STAC: variants seen among roughly 807,000 people sequenced by gnomAD.
The protein encoded by STAC is SH3 and cysteine rich domain, also known as SH3 and cysteine-rich domain-containing protein.
A neutral mutation model predicts 48.8 loss-of-function variants in STAC; 43 were observed. The observed-to-expected ratio is 0.88, with a 90% CI of 0.69 to 1.14. The LOEUF (loss-of-function observed/expected upper bound fraction) is 1.14. STAC is among the 50% of genes most tolerant of loss of function. The pLI is 0.00. For missense variants in STAC, 497 were observed against 504.0 expected, an observed-to-expected ratio of 0.99 and a Z score of 0.13; for synonymous variants, 193 against 179.5, an observed-to-expected ratio of 1.07 and a Z score of -0.60.
intron 8 of STAC, among the ~76,000 whole-genome samples, chr3:36,521,495 C>T (rs1698804210): frequency 6.6e-6 from 1 of 152,124 alleles, no homozygotes; most frequent in African/African-American, 2.4e-5. Flanking sequence ...AATACTAGGT[C>T]CAGCTCCTGG....
chr3:36,545,156 A>G (rs2125507469), intron 10 of STAC, among the ~76,000 whole-genome samples: 1 of 152,314 alleles, frequency 6.6e-6, no homozygotes, highest in South Asian at 2.1e-4. Context: ...CTTATGAGAC[A>G]GCAGGACCCT....
chr3:36,432,075 A>G (rs1258978658), intron 1 of STAC, among the ~76,000 whole-genome samples: 1 of 152,208 alleles, frequency 6.6e-6, no homozygotes, highest in African/African-American at 2.4e-5. Context: ...CGGCATCCAC[A>G]TGCCTCACCA....
Position 36,483,111 on chromosome 3 carries a change from A to G in STAC, c.489+19A>G. On this transcript the variant is annotated intron_variant, in intron 3 of 10. Transcript: ENST00000273183. ...CAAGCTGGTAAGGGCTTGTGCCAGGAGTGAGGCCCACACCTCTCTGCTAGG... is the reference window on the plus strand; with the variant it reads ...CAAGCTGGTAAGGGCTTGTGCCAGGGGTGAGGCCCACACCTCTCTGCTAGG... The G allele has an allele frequency of 6.4e-7, 1 of 1,573,954 alleles. No homozygotes were observed. The highest frequency in any genetic ancestry group is 8.7e-7 in the Non-Finnish European group (1 of 1,143,674).
chr3:36,395,922 C>T (rs557582806), intron 1 of STAC, among the ~76,000 whole-genome samples: 1 of 129,772 alleles, frequency 7.7e-6, no homozygotes, highest in South Asian at 2.5e-4. Flanking sequence ...AAGCATCTCT[C>T]CACAAAGTTT....
At chr3:36,482,948 A>T (rs144453836) in intron 2 of STAC, 44 bp from the exon 3 acceptor site, 131 of 1,383,046 alleles carry the variant, frequency 9.5e-5, no homozygotes, top group Non-Finnish European at 1.3e-4. Flanking sequence ...TCAGCAGGAA[A>T]TGGCAGGTTG....
chr3:36,505,913 G>T, intron 8 of STAC, 79 bp downstream of exon 8: 1 of 924,100 alleles, frequency 1.1e-6, no homozygotes, highest in Non-Finnish European at 1.7e-6. Flanking sequence ...AAGTCCATCT[G>T]TGCCCCTCCT....
At position 36,509,515 on chromosome 3, in the gene STAC, T is replaced by C. The variant is rs558408365; in HGVS notation, c.920+3681T>C. Among the ~76,000 whole-genome samples, 34 of 152,284 alleles carry C rather than the reference T, an allele frequency of 2.2e-4. 1 individual carries two copies. In the South Asian group the frequency reaches 6.8e-3, roughly 31 times the overall value. ...AGAGTGTTTTCCAACTTTGTTCCAT[T>C]CTCCCCATCACTTTCAGGTACACCA... On this transcript the variant is annotated intron_variant, in intron 8 of 10. Transcript: ENST00000273183.
chr3:36,482,599 T>C (rs75774082), intron 2 of STAC, among the ~76,000 whole-genome samples: 2 of 152,164 alleles, frequency 1.3e-5, no homozygotes, highest in African/African-American at 2.4e-5. Context: ...AACGGCTCAG[T>C]TCCTGTGATA....
At chr3:36,447,798 A>C (rs1463652477) in intron 2 of STAC, among the ~76,000 whole-genome samples, 1 of 152,230 alleles carries the variant, frequency 6.6e-6, no homozygotes, top group Admixed American at 6.5e-5. Context: ...AACTCTGGGC[A>C]TTCTTAGAAT....
chr3:36,546,213 A>C lies in STAC; in HGVS notation c.1133A>C (p.Glu378Ala). The C allele has an allele frequency of 6.2e-7, 1 of 1,614,022 alleles. No homozygotes were observed. The highest frequency in any genetic ancestry group is 8.5e-7 in the Non-Finnish European group (1 of 1,179,930). Residue 378 changes from glutamate to alanine, a missense_variant, in exon 11 of 11, where the codon GAA becomes GCA. Glu to Ala is a moderately radical substitution (Grantham distance 107, BLOSUM62 -1). Transcript: ENST00000273183. Reference protein sequence around the residue: ...ENQICVSSEEEQDGFIRVLSG... With the variant: ...ENQICVSSEEAQDGFIRVLSG... ...CAGATCTGCGTGAGTTCTGAAGAAG[A>C]ACAAGATGGTTTTATCAGAGTCCTC... is the stretch of plus-strand genomic sequence containing the variant.
intron 1 of STAC, among the ~76,000 whole-genome samples, chr3:36,411,495 GA>G (rs1700193827): frequency 6.6e-6 from 1 of 152,174 alleles, no homozygotes; most frequent in African/African-American, 2.4e-5. Flanking sequence ...CTCAGCTTGA[GA>G]AAATGACCAG....
intron 1 of STAC, among the ~76,000 whole-genome samples, chr3:36,391,005 GC>G (rs1304647876): frequency 1.2e-4 from 19 of 152,250 alleles, no homozygotes; most frequent in Admixed American, 1.0e-3. Flanking sequence ...TAGGAGGACA[GC>G]CCTGGGAACT....
At chr3:36,465,867 C>T (rs1160000283) in intron 2 of STAC, among the ~76,000 whole-genome samples, 4 of 152,064 alleles carry the variant, frequency 2.6e-5, no homozygotes. Context: ...ATTGTGCCCA[C>T]CAGATTAAGG....
intron 1 of STAC, among the ~76,000 whole-genome samples, chr3:36,396,643 A>T (rs1699863455): frequency 6.6e-6 from 1 of 152,188 alleles, no homozygotes; most frequent in African/African-American, 2.4e-5. Flanking sequence ...TTTTGCTTGT[A>T]AATCTTTCTG....
rs1553640698 is a variant in STAC, at chr3:36,504,511, G to A, written c.831+54G>A. 3.3e-6 allele frequency: 5 copies of A among 1,518,094 alleles called. No individual in the cohort carries two copies. The South Asian group carries it at 3.4e-5, about 10-fold the overall frequency. 94.0% of individuals were successfully genotyped at this position (1,518,094 alleles called of 1,614,324 possible). On this transcript the variant is annotated intron_variant, in intron 7 of 10. Transcript: ENST00000273183. ...CAGACAGGAGTCCTTAGATAGACCT[G>A]CAGGTCACCATCCAAGTGGGTCATG...
intron 8 of STAC, among the ~76,000 whole-genome samples, chr3:36,518,129 C>T (rs1369695928): frequency 6.6e-6 from 1 of 152,184 alleles, no homozygotes; most frequent in African/African-American, 2.4e-5. Context: ...CTGATAAAAA[C>T]TTTTCAATCA....
intron 1 of STAC, among the ~76,000 whole-genome samples, chr3:36,441,300 G>A (rs1696343208): frequency 6.6e-6 from 1 of 151,904 alleles, no homozygotes; most frequent in Admixed American, 6.6e-5. Flanking sequence ...ACTTCTACGA[G>A]ATCAACTTTT....
intron 8 of STAC, among the ~76,000 whole-genome samples, chr3:36,517,820 T>C (rs1698710001): frequency 6.6e-6 from 1 of 152,094 alleles, no homozygotes. Flanking sequence ...ATGTGTGTGA[T>C]ACACTTATAC....
intron 2 of STAC, among the ~76,000 whole-genome samples, chr3:36,481,031 C>G (rs1488357195): frequency 6.6e-6 from 1 of 152,150 alleles, no homozygotes; most frequent in African/African-American, 2.4e-5. Context: ...ATAATTTAGA[C>G]AGGGGTGGGA....
Sources: gnomAD v4.1 joint callset for allele counts (sites outside exome capture counted in the v4.1 genomes callset) on GRCh38, gnomAD v4.1.1 for gene constraint, MANE v1.5 for transcripts, NCBI Gene and HGNC (gene_info 2026-07-23, HGNC 2026-07-21) for gene names.